Variants in GPATCH2L observed in about 807,000 individuals in gnomAD.
GPATCH2L encodes the protein G-patch domain containing 2 like.
A neutral mutation model predicts 57.4 loss-of-function variants in GPATCH2L; 31 were observed. That is an observed-to-expected ratio of 0.54 (90% CI 0.41 to 0.73). The LOEUF (loss-of-function observed/expected upper bound fraction) is 0.73, where lower values mean the gene tolerates loss of function less well. GPATCH2L is among the 30% of genes least tolerant of loss of function. The pLI is 0.00. For synonymous variants in GPATCH2L, 199 were observed against 210.7 expected, an observed-to-expected ratio of 0.94 and a Z score of 0.48; for missense variants, 481 against 599.9, an observed-to-expected ratio of 0.80 and a Z score of 2.07.
At chr14:76,165,891 T>C (rs2038812772) in intron 2 of GPATCH2L, among the ~76,000 whole-genome samples, 1 of 152,156 alleles carries the variant, frequency 6.6e-6, no homozygotes, top group African/African-American at 2.4e-5. Flanking sequence ...AATTTTTGAC[T>C]CTCTTGGAAG....
At chr14:76,215,140 A>T (rs11850433), downstream of GPATCH2L, among the ~76,000 whole-genome samples, 25,355 of 152,148 alleles carry the variant, frequency 0.17, 2,224 homozygotes, top group Middle Eastern at 0.34. Flanking sequence ...ACAGACATTT[A>T]TGCAGCCAAA....
intron 7 of GPATCH2L, chr14:76,178,629 T>C (rs2039435693): frequency 1.2e-5 from 2 of 171,018 alleles, no homozygotes; most frequent in East Asian, 3.4e-4. Flanking sequence ...GGCATTAGGC[T>C]TTCATAAGGT....
At chr14:76,191,720 A>G (rs1191757112) in intron 8 of GPATCH2L, among the ~76,000 whole-genome samples, 1 of 152,156 alleles carries the variant, frequency 6.6e-6, no homozygotes, top group African/African-American at 2.4e-5. Flanking sequence ...CAATACATAC[A>G]ATAGTGATCA....
In GPATCH2L at chr14:76,214,078, T is replaced by G. The variant is rs2139852886; in HGVS notation, c.*12227T>G. 1 of 152,332 alleles carries G rather than the reference T, an allele frequency of 6.6e-6. No homozygotes were observed. The highest frequency in any genetic ancestry group is 2.1e-4 in the South Asian group (1 of 4,818). The allele number at this position is 152,332 out of a possible 1,614,324, so 9.4% of individuals were successfully genotyped here. A position where few individuals can be genotyped will look rare whatever the true frequency, so the allele number is the denominator to read the frequency against. Reference sequence around the variant, plus strand: ...GCTTCTGGCTATTCATACATGTTTGTTTTTCCATGTGAACTTTAGTATCAA... The same window carrying G: ...GCTTCTGGCTATTCATACATGTTTGGTTTTCCATGTGAACTTTAGTATCAA... On this transcript the variant is annotated 3_prime_UTR_variant, in exon 10 of 10. Coordinates refer to ENST00000261530, the MANE Select transcript of GPATCH2L (RefSeq NM_017926.4).
chr14:76,159,576 T>C (rs2038475473), intron 2 of GPATCH2L, among the ~76,000 whole-genome samples: 1 of 152,018 alleles, frequency 6.6e-6, no homozygotes, highest in Non-Finnish European at 1.5e-5. Context: ...TAGGATCATC[T>C]AACCCTCACT....
rs1243741850 is a variant in GPATCH2L, at chr14:76,213,574, T to G, written c.*11723T>G. ...CAAGCAAAAGCTCACCAGCCAGAGA[T>G]AAAGTGAGGCCAGCTCAGGGAATGT... On this transcript the variant is annotated 3_prime_UTR_variant, in exon 10 of 10. Coordinates refer to ENST00000261530, the MANE Select transcript of GPATCH2L (RefSeq NM_017926.4). The G allele has an allele frequency of 7.9e-5, 12 of 152,148 alleles. No homozygotes were observed. The highest frequency in any genetic ancestry group is 2.7e-4 in the African/African-American group (11 of 41,440). 9.4% of individuals were successfully genotyped at this position (152,148 alleles called of 1,614,324 possible). A position where few individuals can be genotyped will look rare whatever the true frequency, so the allele number is the denominator to read the frequency against.
chr14:76,232,867 T>G (rs908828301), intron 2 of GPATCH2L, among the ~76,000 whole-genome samples: 1 of 152,222 alleles, frequency 6.6e-6, no homozygotes, highest in African/African-American at 2.4e-5. Context: ...GGCTCCATAG[T>G]TGACTGCCCG....
At chr14:76,163,396 A>G (rs902347728) in intron 2 of GPATCH2L, among the ~76,000 whole-genome samples, 2 of 152,348 alleles carry the variant, frequency 1.3e-5, no homozygotes, top group Non-Finnish European at 2.9e-5. Flanking sequence ...CAGTTCAAGT[A>G]TCAAACCCCT....
rs2040433457 is a variant in GPATCH2L, at chr14:76,210,938, G to A, written c.*9087G>A. 6.6e-6 allele frequency: 1 copy of A among 152,168 alleles called. No homozygotes were observed. Among genetic ancestry groups the A allele is most frequent in the Non-Finnish European group, 1.5e-5 (1 of 68,038 alleles). 9.4% of individuals were successfully genotyped at this position (152,168 alleles called of 1,614,324 possible). On this transcript the variant is annotated 3_prime_UTR_variant, in exon 10 of 10. Coordinates refer to ENST00000261530, the MANE Select transcript of GPATCH2L (RefSeq NM_017926.4). ...CATTCCTGCTCTCATGATGTTCATGGTCTTCTGCGGAAGAGACCAGAAAAA... is the reference window on the plus strand; with the variant it reads ...CATTCCTGCTCTCATGATGTTCATGATCTTCTGCGGAAGAGACCAGAAAAA...
intron 2 of GPATCH2L, 108 bp from the exon 3 acceptor site, chr14:76,166,551 TTGAC>T: frequency 1.6e-6 from 1 of 624,010 alleles, no homozygotes; most frequent in Non-Finnish European, 3.0e-6. Context: ...ACATATCTGA[TTGAC>T]TAACAGGTTG....
chr14:76,218,655 A>C (rs886904552), downstream of GPATCH2L, among the ~76,000 whole-genome samples: 2 of 152,028 alleles, frequency 1.3e-5, no homozygotes, highest in Non-Finnish European at 2.9e-5. Context: ...AAATTATATA[A>C]ATTAATTCTA....
intron 2 of GPATCH2L, among the ~76,000 whole-genome samples, chr14:76,161,294 T>G (rs1485838823): frequency 6.7e-6 from 1 of 148,604 alleles, no homozygotes; most frequent in Non-Finnish European, 1.5e-5. Context: ...TAAGAAAAGT[T>G]TTTTAGAATG....
chr14:76,197,095 C>G (rs577692466), intron 9 of GPATCH2L, among the ~76,000 whole-genome samples: 2 of 152,188 alleles, frequency 1.3e-5, no homozygotes, highest in East Asian at 3.9e-4. Flanking sequence ...ATGAGAAAAC[C>G]AAGGCTTAAA....
intron 2 of GPATCH2L, among the ~76,000 whole-genome samples, chr14:76,155,293 A>C (rs2038253995): frequency 6.6e-6 from 1 of 152,220 alleles, no homozygotes; most frequent in South Asian, 2.1e-4. Flanking sequence ...TAATAATTTT[A>C]TTTTAAAAAA....
rs947522394 is a variant in GPATCH2L at position 76,212,365 on chromosome 14, A to C, written c.*10514A>C. 6.6e-6 allele frequency: 1 copy of C among 151,956 alleles called. No individual in the cohort carries two copies. The highest frequency in any genetic ancestry group is 1.5e-5 in the Non-Finnish European group (1 of 67,940). 9.4% of individuals were successfully genotyped at this position (151,956 alleles called of 1,614,324 possible). The stretch of plus-strand genomic sequence containing the variant: ...AACAAGAAAATGAGTTGTAGTCTGC[A>C]TATCAGGCAAGGTTGAACTTAGGGA... On this transcript the variant is annotated 3_prime_UTR_variant, in exon 10 of 10. Coordinates refer to ENST00000261530, the MANE Select transcript of GPATCH2L (RefSeq NM_017926.4).
chr14:76,187,171 A>G (rs749034082), intron 8 of GPATCH2L, among the ~76,000 whole-genome samples: 1 of 151,950 alleles, frequency 6.6e-6, no homozygotes, highest in Non-Finnish European at 1.5e-5. Flanking sequence ...GTGAGAAAGG[A>G]GTCTCACATT....
chr14:76,195,786 T>TA (rs2040129169), intron 8 of GPATCH2L, 92 bp from the exon 9 acceptor site: 1 of 931,358 alleles, frequency 1.1e-6, no homozygotes, highest in Non-Finnish European at 1.7e-6. Context: ...TTTATGTCTG[T>TA]AATAGGTTAA....
At chr14:76,159,807 A>G (rs1427598293) in intron 2 of GPATCH2L, among the ~76,000 whole-genome samples, 1 of 152,160 alleles carries the variant, frequency 6.6e-6, no homozygotes, top group East Asian at 1.9e-4. Context: ...ATCCAAGTGT[A>G]TTCTGGGAGT....
At chr14:76,157,976 AACT>A (rs1156593045) in intron 2 of GPATCH2L, among the ~76,000 whole-genome samples, 21 of 152,334 alleles carry the variant, frequency 1.4e-4, no homozygotes, top group Admixed American at 6.5e-5. Context: ...AAAGCAGAAC[AACT>A]ACTGTAAAAT....
Sources: gnomAD v4.1 joint callset for allele counts (sites outside exome capture counted in the v4.1 genomes callset) on GRCh38, gnomAD v4.1.1 for gene constraint, MANE v1.5 for transcripts, NCBI Gene and HGNC (gene_info 2026-07-23, HGNC 2026-07-21) for gene names.